The following COPS3 variants were observed in gnomAD, a reference collection of about 807,000 sequenced individuals.
The protein encoded by COPS3 is COP9 signalosome subunit 3.
Under a neutral mutation model 58.2 loss-of-function variants are expected in COPS3, and 10 were observed. The ratio of observed to expected loss-of-function variants is 0.17; its 90% CI spans 0.11 to 0.29. COPS3 has a LOEUF of 0.29. COPS3 is among the 10% of genes least tolerant of loss of function. The probability of loss-of-function intolerance (pLI) is 1.00; values close to 1 mark genes in which losing one functional copy is unlikely to be tolerated. For synonymous variants in COPS3, 187 were observed against 181.7 expected (o/e 1.03, Z -0.24); for missense variants, 333 against 510.1 (o/e 0.65, Z 3.34).
At chr17:17,261,696 G>C in intron 7 of COPS3, 1 of 427,584 alleles carries the variant, frequency 2.3e-6, no homozygotes. Flanking sequence ...TCTGTCTCTA[G>C]GGAAAAAAAA....
intron 5 of COPS3, among the ~76,000 whole-genome samples, chr17:17,265,796 AACCTAT>A (rs1198710062): frequency 1.3e-5 from 2 of 152,212 alleles, no homozygotes; most frequent in African/African-American, 4.8e-5. Context: ...CTTATCTCTT[AACCTAT>A]CCCTACCCAT....
At chr17:17,275,804 G>A (rs1219809597) in intron 2 of COPS3, among the ~76,000 whole-genome samples, 3 of 152,018 alleles carry the variant, frequency 2.0e-5, no homozygotes, top group African/African-American at 4.8e-5. Flanking sequence ...TAGCTGGGGC[G>A]GGTGGCGAGT....
intron 1 of COPS3, chr17:17,280,683 C>T (rs1018665146): frequency 7.7e-7 from 1 of 1,293,116 alleles, no homozygotes; most frequent in Non-Finnish European, 1.0e-6. Context: ...AGAGCCAAGA[C>T]ACCCAGAACG....
intron 2 of COPS3, among the ~76,000 whole-genome samples, chr17:17,273,495 A>G (rs553871863): frequency 5.0e-4 from 76 of 152,220 alleles, no homozygotes; most frequent in South Asian, 2.1e-3. Context: ...CTGTAATCCT[A>G]GCACTTTGGG....
At chr17:17,268,578 T>G (rs1707348647) in intron 4 of COPS3, among the ~76,000 whole-genome samples, 1 of 152,180 alleles carries the variant, frequency 6.6e-6, no homozygotes, top group South Asian at 2.1e-4. Context: ...CCCAGCATTT[T>G]GGGAGGCCAA....
chr17:17,252,208 C>T (rs1028839611), intron 9 of COPS3, among the ~76,000 whole-genome samples: 3 of 152,060 alleles, frequency 2.0e-5, no homozygotes, highest in South Asian at 4.1e-4. Context: ...TGTGTTTAGC[C>T]GTACACTTAA....
chr17:17,252,531 A>C (rs910287085), intron 9 of COPS3, among the ~76,000 whole-genome samples: 18 of 152,106 alleles, frequency 1.2e-4, no homozygotes, highest in African/African-American at 4.3e-4. Context: ...TAGCACCCCC[A>C]TCTGTGAAAA....
intron 9 of COPS3, among the ~76,000 whole-genome samples, chr17:17,251,295 A>G (rs979790485): frequency 3.3e-5 from 5 of 149,482 alleles, no homozygotes. Context: ...TACCCGGCCT[A>G]TTTATTTATT....
chr17:17,251,316 C>T (rs920433441), intron 9 of COPS3, among the ~76,000 whole-genome samples: 1 of 151,298 alleles, frequency 6.6e-6, no homozygotes, highest in African/African-American at 2.4e-5. Context: ...TTTTTGGAGA[C>T]GGAGTTTCGC....
chr17:17,269,654 AAAAGAT>A lies in COPS3; in HGVS notation c.348+1098_348+1103del, dbSNP rs1408901464. On this transcript the variant is annotated intron_variant, in intron 4 of 11. Coordinates refer to ENST00000268717, the MANE Select transcript of COPS3 (RefSeq NM_003653.4). ...ATCCACATTATAAATTATGTATTAT[AAAAGAT>A]AAAGAATGAAATAACTGTTCAGATT... Among the ~76,000 whole-genome samples, 20 of 152,324 alleles carry A rather than the reference AAAAGAT, an allele frequency of 1.3e-4. No individual in the cohort carries two copies. The South Asian group carries it at 3.7e-3, about 28-fold the overall frequency.
intron 1 of COPS3, chr17:17,280,539 T>TAA (rs749498803): frequency 4.1e-6 from 5 of 1,227,434 alleles, no homozygotes; most frequent in Non-Finnish European, 4.2e-6. Context: ...CAGCCTCGGC[T>TAA]AAAAAAAAAC....
chr17:17,260,614 A>C, intron 7 of COPS3, 140 bp from the exon 8 acceptor site: 1 of 653,746 alleles, frequency 1.5e-6, no homozygotes. Context: ...CACCAGCCTG[A>C]CCAACATGAA....
At chr17:17,265,401 CTT>C (rs34164209) in intron 5 of COPS3, among the ~76,000 whole-genome samples, 16 of 141,950 alleles carry the variant, frequency 1.1e-4, no homozygotes, top group Non-Finnish European at 1.5e-4. Context: ...ACAGCATTAC[CTT>C]TTTTTTTTTT....
intron 1 of COPS3, among the ~76,000 whole-genome samples, chr17:17,277,839 C>T (rs1405211167): frequency 4.0e-5 from 6 of 151,858 alleles, no homozygotes; most frequent in South Asian, 2.1e-4. Context: ...GCAGATCTCT[C>T]GAGGTCAGGA....
At chr17:17,262,520 G>A (rs1445657542) in intron 6 of COPS3, among the ~76,000 whole-genome samples, 5 of 152,026 alleles carry the variant, frequency 3.3e-5, no homozygotes, top group African/African-American at 7.2e-5. Context: ...ACGAGGTCAG[G>A]GGATCGAGAC....
intron 8 of COPS3, among the ~76,000 whole-genome samples, chr17:17,258,040 C>T (rs571250415): frequency 3.9e-5 from 6 of 152,214 alleles, no homozygotes; most frequent in African/African-American, 1.2e-4. Flanking sequence ...AGCACTGGGA[C>T]ATCATGCCAA....
At chr17:17,254,368 A>G (rs1274800367) in intron 9 of COPS3, among the ~76,000 whole-genome samples, 3 of 151,832 alleles carry the variant, frequency 2.0e-5, no homozygotes, top group African/African-American at 4.8e-5. Context: ...ATATGAGCAC[A>G]CTAAAACTAG....
intron 7 of COPS3, chr17:17,261,565 A>C (rs1346773052): frequency 2.3e-5 from 8 of 349,260 alleles, no homozygotes; most frequent in Non-Finnish European, 3.3e-5. Context: ...AAAATATAAC[A>C]AAACAAAATA....
intron 4 of COPS3, among the ~76,000 whole-genome samples, chr17:17,269,297 C>G (rs1038264589): frequency 6.6e-6 from 1 of 152,148 alleles, no homozygotes; most frequent in African/African-American, 2.4e-5. Context: ...TGGTGTCAGG[C>G]ACCTGTAATC....
Sources: allele counts gnomAD v4.1 joint callset (sites outside exome capture counted in the v4.1 genomes callset), GRCh38; gene constraint gnomAD v4.1.1; transcripts MANE v1.5; gene names NCBI Gene and HGNC (gene_info 2026-07-23, HGNC 2026-07-21).